The following INPP5D variants were observed in gnomAD, a reference collection of about 807,000 sequenced individuals.
INPP5D encodes the protein phosphatidylinositol 3,4,5-trisphosphate 5-phosphatase 1.
In INPP5D, 33 loss-of-function variants were observed where a neutral mutation model predicts 122.9. The ratio of observed to expected loss-of-function variants is 0.27; its 90% confidence interval spans 0.20 to 0.36. The LOEUF is 0.36. Ranked by LOEUF, INPP5D falls within the 10% of genes least tolerant of loss-of-function variation. The probability of loss-of-function intolerance (pLI) is 1.00; values close to 1 mark genes in which losing one functional copy is unlikely to be tolerated. For missense variants in INPP5D, 1,053 were observed against 1,412.7 expected (o/e 0.75, Z 4.08); for synonymous variants, 584 against 576.2 (o/e 1.01, Z -0.19).
intron 9 of INPP5D, 136 bp downstream of exon 9, chr2:233,147,730 G>A: frequency 4.9e-6 from 3 of 612,612 alleles, no homozygotes; most frequent in Non-Finnish European, 8.8e-6. Context: ...ATGCTTTTGT[G>A]TGTGTGTGTG....
At chr2:233,095,236 T>C (rs757162299) in intron 2 of INPP5D, among the ~76,000 whole-genome samples, 2 of 152,246 alleles carry the variant, frequency 1.3e-5, no homozygotes, top group Non-Finnish European at 2.9e-5. Context: ...GGATAGATTA[T>C]ATACACAAGA....
At chr2:233,109,501 A>G (rs1692554112) in intron 2 of INPP5D, among the ~76,000 whole-genome samples, 1 of 152,230 alleles carries the variant, frequency 6.6e-6, no homozygotes, top group African/African-American at 2.4e-5. Context: ...AGAAACCTTC[A>G]GAAGTATATA....
At chr2:233,094,586 C>A (rs1193113530) in intron 2 of INPP5D, among the ~76,000 whole-genome samples, 1 of 144,330 alleles carries the variant, frequency 6.9e-6, no homozygotes, top group Non-Finnish European at 1.5e-5. Flanking sequence ...GTATATAAGG[C>A]TCACATTACA....
intron 2 of INPP5D, among the ~76,000 whole-genome samples, chr2:233,114,950 C>A (rs1056825416): frequency 1.3e-5 from 2 of 152,064 alleles, no homozygotes; most frequent in Non-Finnish European, 2.9e-5. Flanking sequence ...TCACCACAAC[C>A]TCTGCCTCCC....
intron 1 of INPP5D, among the ~76,000 whole-genome samples, chr2:233,062,031 C>A (rs961951161): frequency 6.6e-6 from 1 of 152,240 alleles, no homozygotes; most frequent in African/African-American, 2.4e-5. Context: ...GGGGAAGGAA[C>A]GCAGGCCCAG....
intron 6 of INPP5D, chr2:233,140,708 C>T (rs1331287349): frequency 2.0e-5 from 3 of 152,120 alleles, no homozygotes; most frequent in African/African-American, 7.2e-5. Context: ...TGCCAGTCTC[C>T]TTTTAAAATT....
chr2:233,136,620 G>A (rs1173566891), intron 5 of INPP5D, among the ~76,000 whole-genome samples: 3 of 152,012 alleles, frequency 2.0e-5, no homozygotes, highest in African/African-American at 4.8e-5. Context: ...TGATTTATTC[G>A]ATATTCATGA....
Position 233,170,182 on chromosome 2 carries a change from G to A in INPP5D, c.1791+18G>A, listed in dbSNP as rs768185804. 25 of 1,607,276 alleles carry A rather than the reference G, an allele frequency of 1.6e-5. No individual in the cohort carries two copies. The highest frequency in any genetic ancestry group is 1.9e-5 in the Non-Finnish European group (22 of 1,176,520). ...CTACCTGGGTAAGGGCTGCCCGCCT[G>A]GGGCTGGGGCTGGGGCTGTATGAGA... On this transcript the variant is annotated intron_variant, in intron 15 of 26. Coordinates refer to ENST00000445964, the MANE Select transcript of INPP5D (RefSeq NM_001017915.3). The surrounding 1 kb of genome is among the most constrained non-coding windows in gnomAD (Gnocchi z 4.5).
intron 2 of INPP5D, among the ~76,000 whole-genome samples, chr2:233,085,777 T>C (rs1691813554): frequency 6.6e-6 from 1 of 152,178 alleles, no homozygotes; most frequent in Non-Finnish European, 1.5e-5. Context: ...CCCTAATCCC[T>C]TCCCCAGTCT....
intron 1 of INPP5D, among the ~76,000 whole-genome samples, chr2:233,068,294 A>G (rs2106198770): frequency 6.6e-6 from 1 of 151,102 alleles, no homozygotes; most frequent in East Asian, 2.0e-4. Flanking sequence ...TCAAAAAAAA[A>G]AAAAAAAATC....
chr2:233,118,934 G>A (rs552509313), intron 2 of INPP5D, among the ~76,000 whole-genome samples: 6 of 152,368 alleles, frequency 3.9e-5, no homozygotes, highest in Middle Eastern at 3.4e-3. Flanking sequence ...CTGGCCTCTG[G>A]GAGCGGGCCA....
chr2:233,201,024 C>G lies in INPP5D; in HGVS notation c.2975+2648C>G, dbSNP rs372593838. The stretch of plus-strand genomic sequence containing the variant: ...AATAAATAAATAGATGAGAGGAAGT[C>G]AGGAAGAGAGAGAGAAAAGGACAGG... On this transcript the variant is annotated intron_variant, in intron 25 of 26. Transcript: ENST00000445964. Among the ~76,000 whole-genome samples the G allele has an allele frequency of 1.8e-4, 27 of 150,908 alleles. No homozygotes were observed. In the South Asian group the frequency reaches 5.4e-3, roughly 30 times the overall value.
chr2:233,149,179 C>T (rs930035582), intron 9 of INPP5D, among the ~76,000 whole-genome samples: 2 of 148,402 alleles, frequency 1.3e-5, no homozygotes, highest in East Asian at 2.1e-4. Context: ...TCTTGGCTCA[C>T]TGCAACCTCC....
rs1168986841 is a variant in INPP5D, at chr2:233,189,200, G to T, written c.2359-650G>T. On this transcript the variant is annotated intron_variant, in intron 21 of 26. Transcript: ENST00000445964. This position sits in a 1 kb window ranked among gnomAD's most constrained non-coding sequence, Gnocchi z 5.6. ...GCCAGCAGGGCCTCTGGGGGAGCTG[G>T]CACTCCCCAGCTCTGGAAACTTGCT... 6.6e-6 allele frequency among the ~76,000 whole-genome samples: 1 copy of T among 152,166 alleles called. No individual in the cohort carries two copies. Among genetic ancestry groups the T allele is most frequent in the African/African-American group, 2.4e-5 (1 of 41,444 alleles).
chr2:233,160,168 C>T lies in INPP5D; in HGVS notation c.1138-1556C>T, dbSNP rs1157914751. 2.6e-5 allele frequency among the ~76,000 whole-genome samples: 4 copies of T among 152,190 alleles called. No homozygotes were observed. Among genetic ancestry groups the T allele is most frequent in the Non-Finnish European group, 5.9e-5 (4 of 68,034 alleles). On this transcript the variant is annotated intron_variant, in intron 10 of 26. Coordinates refer to ENST00000445964, the MANE Select transcript of INPP5D (RefSeq NM_001017915.3). The surrounding 1 kb of genome is among the most constrained non-coding windows in gnomAD (Gnocchi z 4.2). ...ATGGTCATTATGACATCTTTGTGAGCTGGTGTCTTCAGGGAGGACTTACTG... is the reference window on the plus strand; with the variant it reads ...ATGGTCATTATGACATCTTTGTGAGTTGGTGTCTTCAGGGAGGACTTACTG...
intron 9 of INPP5D, among the ~76,000 whole-genome samples, chr2:233,157,921 G>A (rs1559324606): frequency 6.6e-6 from 1 of 151,702 alleles, no homozygotes. Flanking sequence ...ACAGTAAAAT[G>A]TAAAATTAAA....
At chr2:233,098,182 T>C (rs7594542) in intron 2 of INPP5D, among the ~76,000 whole-genome samples, 106,744 of 151,592 alleles carry the variant, frequency 0.7, 37,779 homozygotes, top group Middle Eastern at 0.79. Context: ...GATGAGCCAC[T>C]GCACCCGGCC....
rs1284834304 is a variant in INPP5D, at chr2:233,062,731, C to T, written c.134+2119C>T. On this transcript the variant is annotated intron_variant, in intron 1 of 26. Coordinates refer to ENST00000445964, the MANE Select transcript of INPP5D (RefSeq NM_001017915.3). Reference sequence around the variant, plus strand: ...AGACAAACCCTGGGCTCAGTGTTTCCCTTTCTCCTCTGCTCAGGGTGGGAA... The same window carrying T: ...AGACAAACCCTGGGCTCAGTGTTTCTCTTTCTCCTCTGCTCAGGGTGGGAA... 5.3e-5 allele frequency among the ~76,000 whole-genome samples: 8 copies of T among 152,240 alleles called. No individual in the cohort carries two copies. The East Asian group carries it at 1.5e-3, about 29-fold the overall frequency.
intron 13 of INPP5D, chr2:233,168,784 T>C (rs1694412605): frequency 6.5e-6 from 1 of 153,180 alleles, no homozygotes; most frequent in Admixed American, 6.5e-5. Flanking sequence ...ATTCAGTAGG[T>C]CTGGGGTGGG....
Sources: allele counts gnomAD v4.1 joint callset (sites outside exome capture counted in the v4.1 genomes callset), GRCh38; gene constraint gnomAD v4.1.1; non-coding constraint Gnocchi (gnomAD v3.1); transcripts MANE v1.5; gene names NCBI Gene and HGNC (gene_info 2026-07-23, HGNC 2026-07-21).